The following ZFHX3 variants were observed in gnomAD, a reference collection of about 807,000 sequenced individuals.
ZFHX3 encodes the protein zinc finger homeobox protein 3.
Under a neutral mutation model 279.1 loss-of-function variants are expected in ZFHX3, and 42 were observed. The ratio of observed to expected loss-of-function variants is 0.15; its 90% CI spans 0.12 to 0.19. The LOEUF is 0.19. ZFHX3 is among the 10% of genes least tolerant of loss of function. ZFHX3 has a pLI of 1.00. For missense variants in ZFHX3, 4,981 were observed against 4,754.0 expected (o/e 1.05, Z -1.40); for synonymous variants, 2,293 against 1,957.8 (o/e 1.17, Z -4.52).
chr16:72,829,468 G>A, intron 5 of ZFHX3: 4 of 313,140 alleles, frequency 1.3e-5, no homozygotes, highest in Non-Finnish European at 2.4e-5. Context: ...CCAAAGAGAT[G>A]TGACCAACAC....
chr16:73,280,989 A>G (rs1252332040), intron 4 of ZFHX3, among the ~76,000 whole-genome samples: 1 of 134,622 alleles, frequency 7.4e-6, no homozygotes, highest in Non-Finnish European at 1.6e-5. Flanking sequence ...CCATTAAAAG[A>G]AAGAAAGAGG....
chr16:73,319,658 C>A (rs1291040729), intron 3 of ZFHX3, among the ~76,000 whole-genome samples: 2 of 152,136 alleles, frequency 1.3e-5, no homozygotes, highest in African/African-American at 4.8e-5. Flanking sequence ...GGTCCACATT[C>A]AAAGTCCTCA....
Position 72,793,205 on chromosome 16 carries a change from T to C in ZFHX3, c.9427+50A>G. 1 of 1,549,242 alleles carries C rather than the reference T, an allele frequency of 6.5e-7. No homozygotes were observed. The highest frequency in any genetic ancestry group is 8.7e-7 in the Non-Finnish European group (1 of 1,149,560). ...GGGTGGTATCCACATAACAGAATGC[T>C]GACTGGGCAGCTATTTAGCCCTGAA... On this transcript the variant is annotated intron_variant, in intron 9 of 9. Transcript: ENST00000268489. The surrounding 1 kb of genome is among the most constrained non-coding windows in gnomAD (Gnocchi z 4.3).
At chr16:73,279,176 A>C (rs1490656821) in intron 4 of ZFHX3, among the ~76,000 whole-genome samples, 4 of 152,164 alleles carry the variant, frequency 2.6e-5, no homozygotes, top group Non-Finnish European at 1.5e-5. Flanking sequence ...AAGCTAGGAC[A>C]GAAGTTTTGA....
intron 2 of ZFHX3, among the ~76,000 whole-genome samples, chr16:73,537,341 T>A (rs111861438): frequency 0.071 from 7,190 of 100,704 alleles, 307 homozygotes; most frequent in South Asian, 0.21. Flanking sequence ...TTTTTTTTTT[T>A]AGTCTCACTC....
chr16:73,823,003 C>G (rs75268448), intron 1 of ZFHX3, among the ~76,000 whole-genome samples: 2 of 152,150 alleles, frequency 1.3e-5, no homozygotes, highest in African/African-American at 2.4e-5. Context: ...GGGCTATATG[C>G]TAAGGATGTA....
At chr16:73,790,687 A>G (rs1243433045) in intron 1 of ZFHX3, among the ~76,000 whole-genome samples, 1 of 152,234 alleles carries the variant, frequency 6.6e-6, no homozygotes, top group Non-Finnish European at 1.5e-5. Context: ...GATGGTTGCC[A>G]ATCTTCATGG....
intron 1 of ZFHX3, among the ~76,000 whole-genome samples, chr16:73,758,382 C>T (rs1196383817): frequency 6.6e-6 from 1 of 152,156 alleles, no homozygotes; most frequent in Non-Finnish European, 1.5e-5. Flanking sequence ...AGTTTTCTAA[C>T]CTAGCTCAAA....
intron 1 of ZFHX3, among the ~76,000 whole-genome samples, chr16:73,856,057 GA>G (rs928528994): frequency 6.6e-6 from 1 of 152,106 alleles, no homozygotes; most frequent in African/African-American, 2.4e-5. Flanking sequence ...TAGTACCATG[GA>G]AAAATGTTTC....
chr16:73,106,409 C>G (rs1342472351), intron 7 of ZFHX3, among the ~76,000 whole-genome samples: 2 of 151,928 alleles, frequency 1.3e-5, no homozygotes, highest in Non-Finnish European at 2.9e-5. Flanking sequence ...GGATGAGAAC[C>G]CAGGATTACA....
intron 2 of ZFHX3, among the ~76,000 whole-genome samples, chr16:73,488,136 C>T (rs1427427850): frequency 6.6e-6 from 1 of 152,168 alleles, no homozygotes; most frequent in African/African-American, 2.4e-5. Flanking sequence ...AAGGTCCTCA[C>T]AAAAGGAGCC....
chr16:73,610,839 G>T (rs2052237562), intron 2 of ZFHX3, among the ~76,000 whole-genome samples: 1 of 152,174 alleles, frequency 6.6e-6, no homozygotes, highest in African/African-American at 2.4e-5. Context: ...TAGATACATA[G>T]ATTCTAAATT....
chr16:73,327,782 C>A (rs1197172901), intron 3 of ZFHX3, among the ~76,000 whole-genome samples: 1 of 152,218 alleles, frequency 6.6e-6, no homozygotes, highest in Non-Finnish European at 1.5e-5. Context: ...CTCACATTCA[C>A]CCATGTGTGG....
chr16:73,218,715 G>A (rs1164406878), intron 5 of ZFHX3, among the ~76,000 whole-genome samples: 2 of 152,206 alleles, frequency 1.3e-5, no homozygotes, highest in African/African-American at 4.8e-5. Flanking sequence ...GTTGCAGTGA[G>A]CTGATATTGT....
chr16:73,278,775 T>C (rs1418147224), intron 4 of ZFHX3, among the ~76,000 whole-genome samples: 1 of 152,220 alleles, frequency 6.6e-6, no homozygotes, highest in Non-Finnish European at 1.5e-5. Context: ...TTTTACAGAG[T>C]GCTGATTGGT....
intron 3 of ZFHX3, among the ~76,000 whole-genome samples, chr16:73,431,907 G>A (rs2017918097): frequency 6.6e-6 from 1 of 152,018 alleles, no homozygotes; most frequent in Non-Finnish European, 1.5e-5. Flanking sequence ...CTAGACCTTG[G>A]GACTCTAGTT....
chr16:72,814,414 C>T (rs910229036), intron 5 of ZFHX3, among the ~76,000 whole-genome samples: 8 of 152,120 alleles, frequency 5.3e-5, no homozygotes, highest in Non-Finnish European at 1.0e-4. Flanking sequence ...GCTGAGACCA[C>T]CCGACTCATC....
At chr16:73,595,197 C>T (rs1381296512) in intron 2 of ZFHX3, among the ~76,000 whole-genome samples, 2 of 152,128 alleles carry the variant, frequency 1.3e-5, no homozygotes, top group African/African-American at 4.8e-5. Flanking sequence ...ACCATCATCC[C>T]TGTTACCCAA....
intron 1 of ZFHX3, among the ~76,000 whole-genome samples, chr16:73,883,964 A>C (rs1053958707): frequency 6.6e-6 from 1 of 152,194 alleles, no homozygotes; most frequent in Non-Finnish European, 1.5e-5. Context: ...ATTCTTATCT[A>C]AATCAAGTTC....
Sources: gnomAD v4.1 joint callset for allele counts (sites outside exome capture counted in the v4.1 genomes callset) on GRCh38, gnomAD v4.1.1 for gene constraint, Gnocchi (gnomAD v3.1) non-coding constraint, MANE v1.5 for transcripts, NCBI Gene and HGNC (gene_info 2026-07-23, HGNC 2026-07-21) for gene names.